The following RTF2 variants were observed in gnomAD, a reference collection of about 807,000 sequenced individuals.
The protein encoded by RTF2 is replication termination factor 2.
A neutral mutation model predicts 38.0 loss-of-function variants in RTF2; 18 were observed. That is an observed-to-expected ratio of 0.47 (90% CI 0.33 to 0.70). RTF2 has a LOEUF of 0.70. Among genes scored for constraint, RTF2 ranks in the 30% least tolerant of loss-of-function variants. The pLI, the probability that RTF2 is intolerant of heterozygous loss-of-function variation, is 0.02. For missense variants in RTF2, 311 were observed against 379.6 expected, an observed-to-expected ratio of 0.82 and a Z score of 1.50; for synonymous variants, 126 against 137.1, an observed-to-expected ratio of 0.92 and a Z score of 0.57.
chr20:56,514,514 A>G (rs765705753), intron 6 of RTF2, among the ~76,000 whole-genome samples: 5 of 152,180 alleles, frequency 3.3e-5, no homozygotes, highest in Non-Finnish European at 5.9e-5. Context: ...GCATTTTACC[A>G]GTGCCAGTCC....
At chr20:56,497,627 A>G (rs1983642256) in intron 5 of RTF2, 1 of 1,264,032 alleles carries the variant, frequency 7.9e-7, no homozygotes, top group Non-Finnish European at 1.0e-6. Context: ...CTCCAGGTGC[A>G]TTCTTATTAC....
chr20:56,494,529 C>T (rs1275917333), intron 5 of RTF2, among the ~76,000 whole-genome samples: 1 of 152,116 alleles, frequency 6.6e-6, no homozygotes, highest in East Asian at 1.9e-4. Context: ...AAAGAAAGGG[C>T]AGAGCTCTTG....
At chr20:56,486,438 C>G (rs1048648521) in intron 5 of RTF2, among the ~76,000 whole-genome samples, 1 of 152,116 alleles carries the variant, frequency 6.6e-6, no homozygotes, top group African/African-American at 2.4e-5. Context: ...CACCTGAGGT[C>G]AGGAGTTCAA....
intron 5 of RTF2, among the ~76,000 whole-genome samples, chr20:56,509,093 G>A (rs537560465): frequency 6.6e-6 from 1 of 152,318 alleles, no homozygotes; most frequent in African/African-American, 2.4e-5. Flanking sequence ...GACTAAGACA[G>A]AACTTATATC....
chr20:56,505,310 A>AC (rs1275087040), intron 5 of RTF2, among the ~76,000 whole-genome samples: 49 of 151,064 alleles, frequency 3.2e-4, no homozygotes, highest in Non-Finnish European at 6.0e-4. Flanking sequence ...ACATAGCAAG[A>AC]CCCCGTCTCT....
chr20:56,504,393 T>G (rs1600824548), intron 5 of RTF2: 1 of 152,306 alleles, frequency 6.6e-6, no homozygotes, highest in Middle Eastern at 3.4e-3. Context: ...GTGGCATTCA[T>G]GGGTCAGCGT....
intron 5 of RTF2, among the ~76,000 whole-genome samples, chr20:56,492,108 G>A (rs988989987): frequency 2.0e-5 from 3 of 152,086 alleles, no homozygotes; most frequent in Admixed American, 6.5e-5. Context: ...TCTCAGTTCC[G>A]ATAGATTCTG....
intron 6 of RTF2, 73 bp from the exon 7 acceptor site, chr20:56,516,862 A>G (rs1985073576): frequency 7.1e-7 from 1 of 1,413,714 alleles, no homozygotes; most frequent in Non-Finnish European, 1.0e-6. Context: ...CACCCGGGAC[A>G]ATGGGCAGCC....
At chr20:56,488,484 G>A (rs6014749) in intron 5 of RTF2, among the ~76,000 whole-genome samples, 53,955 of 152,010 alleles carry the variant, frequency 0.35, 9,941 homozygotes, top group East Asian at 0.64. Context: ...ATGTTTTAAA[G>A]TTAGAAGTCA....
intron 5 of RTF2, among the ~76,000 whole-genome samples, chr20:56,503,249 A>G (rs1311387846): frequency 2.0e-5 from 3 of 152,260 alleles, no homozygotes; most frequent in East Asian, 3.8e-4. Context: ...CAAATTTTGA[A>G]TTCAAAAGCT....
chr20:56,478,416 G>A (rs1172914414), intron 4 of RTF2, among the ~76,000 whole-genome samples: 1 of 152,114 alleles, frequency 6.6e-6, no homozygotes, highest in East Asian at 1.9e-4. Context: ...GATTGCTTGA[G>A]CCCAGGAATT....
chr20:56,473,182 TG>T, intron 1 of RTF2, 118 bp from the exon 2 acceptor site: 2 of 718,574 alleles, frequency 2.8e-6, no homozygotes, highest in East Asian at 5.7e-5. Flanking sequence ...TCATTATCTT[TG>T]ATTTAAAAAA....
At chr20:56,518,051 C>T (rs764205395) in intron 8 of RTF2, 36 bp from the exon 9 acceptor site, 1 of 1,583,758 alleles carries the variant, frequency 6.3e-7, no homozygotes. Context: ...TCATCTTTAT[C>T]CCAACCCTGA....
chr20:56,515,621 C>G (rs944799179), intron 6 of RTF2: 2 of 148,784 alleles, frequency 1.3e-5, no homozygotes, highest in Non-Finnish European at 2.9e-5. Flanking sequence ...CACACACACA[C>G]ACACACACAC....
At chr20:56,495,138 CA>C in intron 5 of RTF2, 2 of 1,125,182 alleles carry the variant, frequency 1.8e-6, no homozygotes, top group Non-Finnish European at 2.6e-6. Context: ...AGGATTGAGG[CA>C]GCAGTTTTAT....
chr20:56,508,825 A>G (rs1984450721), intron 5 of RTF2, among the ~76,000 whole-genome samples: 1 of 152,240 alleles, frequency 6.6e-6, no homozygotes, highest in African/African-American at 2.4e-5. Context: ...CCACATGCAG[A>G]AGAATGAATT....
chr20:56,495,264 T>TC, intron 5 of RTF2: 1 of 1,551,558 alleles, frequency 6.4e-7, no homozygotes, highest in Admixed American at 2.0e-5. Context: ...AACATTTCCT[T>TC]CCCAGCCAGC....
At chr20:56,469,317 C>T (rs549397618) in intron 1 of RTF2, among the ~76,000 whole-genome samples, 1 of 152,288 alleles carries the variant, frequency 6.6e-6, no homozygotes, top group South Asian at 2.1e-4. Flanking sequence ...GAGGCTGTAC[C>T]CTTTTTTTCT....
chr20:56,509,804 A>G (rs941189789), intron 5 of RTF2, among the ~76,000 whole-genome samples: 1 of 152,146 alleles, frequency 6.6e-6, no homozygotes, highest in East Asian at 1.9e-4. Context: ...CTAGGTATCT[A>G]CCCAACAGAA....
Sources: gnomAD v4.1 joint callset for allele counts (sites outside exome capture counted in the v4.1 genomes callset) on GRCh38, gnomAD v4.1.1 for gene constraint, MANE v1.5 for transcripts, NCBI Gene and HGNC (gene_info 2026-07-23, HGNC 2026-07-21) for gene names.